Variants in NT5C1B observed in about 807,000 individuals in gnomAD.
The protein encoded by NT5C1B is cytosolic 5'-nucleotidase 1B.
A neutral mutation model predicts 57.8 loss-of-function variants in NT5C1B; 44 were observed. The ratio of observed to expected loss-of-function variants is 0.76; its 90% CI spans 0.60 to 0.98. The LOEUF (loss-of-function observed/expected upper bound fraction) is 0.98. Ranked by LOEUF, NT5C1B falls within the 50% of genes least tolerant of loss-of-function variation. NT5C1B has a pLI of 0.00. For synonymous variants in NT5C1B, 284 were observed against 282.6 expected (o/e 1.00, Z -0.05); for missense variants, 742 against 719.5 (o/e 1.03, Z -0.36).
In NT5C1B at chr2:18,563,568, C is replaced by G. The variant is rs1664365511; in HGVS notation, c.*228G>C. The G allele has an allele frequency of 7.6e-6, 3 of 393,582 alleles. No homozygotes were observed. The East Asian group carries it at 1.1e-4, about 15-fold the overall frequency. The allele number at this position is 393,582 out of a possible 1,614,324, so 24.4% of individuals were successfully genotyped here. ...TAAAGAGTCATCATTATGACTTACA[C>G]AGAGATAGGTGTAATGGCATTCAAC... On this transcript the variant is annotated 3_prime_UTR_variant, in exon 9 of 9. Transcript: ENST00000304081.
chr2:18,587,171 C>T (rs1666792522), intron 2 of NT5C1B: 2 of 1,612,078 alleles, frequency 1.2e-6, no homozygotes, highest in Admixed American at 1.7e-5. Flanking sequence ...CTGCACGCCT[C>T]ATCTGAAAGA....
At chr2:18,574,098 A>G (rs1232578678) in intron 8 of NT5C1B, among the ~76,000 whole-genome samples, 2 of 152,172 alleles carry the variant, frequency 1.3e-5, no homozygotes, top group Non-Finnish European at 2.9e-5. Context: ...CAAAATATGC[A>G]AGGAATTCTT....
At chr2:18,586,896 G>A (rs778715845) in intron 2 of NT5C1B, 1 of 1,571,964 alleles carries the variant, frequency 6.4e-7, no homozygotes, top group South Asian at 1.2e-5. Flanking sequence ...GGACCCCCCG[G>A]AACAGCAAAG....
At chr2:18,564,232 C>T in intron 8 of NT5C1B, 113 bp from the exon 9 acceptor site, 1 of 1,241,302 alleles carries the variant, frequency 8.1e-7, no homozygotes, top group Non-Finnish European at 1.0e-6. Flanking sequence ...TACAGCATGA[C>T]ATGCAGTGTT....
At chr2:18,582,025 G>C (rs1040017661) in intron 6 of NT5C1B, among the ~76,000 whole-genome samples, 1 of 152,068 alleles carries the variant, frequency 6.6e-6, no homozygotes, top group Non-Finnish European at 1.5e-5. Flanking sequence ...ATCAATTAAG[G>C]CTATGTGTTG....
At chr2:18,571,633 T>A (rs1006644386) in intron 8 of NT5C1B, among the ~76,000 whole-genome samples, 1 of 149,426 alleles carries the variant, frequency 6.7e-6, no homozygotes, top group Admixed American at 6.7e-5. Flanking sequence ...GTAAAAATTT[T>A]TCCCCCAGAA....
At chr2:18,571,708 C>G (rs190692448) in intron 8 of NT5C1B, among the ~76,000 whole-genome samples, 2,194 of 93,968 alleles carry the variant, frequency 0.023, 60 homozygotes, top group African/African-American at 0.099. Flanking sequence ...CTCTTTCTCT[C>G]TGTGTGTGTG....
chr2:18,587,253 C>G, intron 2 of NT5C1B: 1 of 1,518,284 alleles, frequency 6.6e-7, no homozygotes, highest in Non-Finnish European at 8.8e-7. Flanking sequence ...CCAGTCTCCC[C>G]CCTGTGTAGG....
exon 8 of NT5C1B, chr2:18,576,292 A>T (rs896441781): frequency 1.9e-6 from 3 of 1,613,856 alleles, no homozygotes; most frequent in Non-Finnish European, 1.7e-6. Context: ...CAGCATCCCC[A>T]TCAAAGGCTA....
intron 7 of NT5C1B, 118 bp from the exon 8 acceptor site, chr2:18,576,486 G>A: frequency 7.3e-7 from 1 of 1,364,126 alleles, no homozygotes; most frequent in Non-Finnish European, 9.8e-7. Flanking sequence ...TTACCTGATG[G>A]CTCAACTCCT....
At chr2:18,581,436 G>GT (rs905799207) in intron 6 of NT5C1B, among the ~76,000 whole-genome samples, 335 of 148,346 alleles carry the variant, frequency 2.3e-3, no homozygotes, top group Middle Eastern at 0.014. Flanking sequence ...ATATTCAGAG[G>GT]TTTTTTTTTT....
chr2:18,584,647 G>GT lies in NT5C1B; in HGVS notation c.589dup (p.Thr197AsnfsTer87), dbSNP rs1666514485. 9 of 1,613,292 alleles carry GT rather than the reference G, an allele frequency of 5.6e-6. No individual in the cohort carries two copies. The highest frequency in any genetic ancestry group is 7.6e-6 in the Non-Finnish European group (9 of 1,179,726). ...GGACAGAGAGTTGCGGTCCAGCTGG[G>GT]TGGAGGCGGGGTAGATCCCCCTGCG... On this transcript the variant is annotated frameshift_variant, in exon 4 of 9. Coordinates refer to ENST00000304081, the Ensembl canonical transcript of NT5C1B. LOFTEE classifies it high-confidence loss of function. This position sits in a 1 kb window ranked among gnomAD's most constrained non-coding sequence, Gnocchi z 5.8.
chr2:18,564,231 A>ACATG, intron 8 of NT5C1B, 112 bp from the exon 9 acceptor site: 6 of 1,213,792 alleles, frequency 4.9e-6, no homozygotes, highest in Non-Finnish European at 6.5e-6. Flanking sequence ...ATACAGCATG[A>ACATG]CATGCAGTGT....
rs182904813 is a variant in NT5C1B at position 18,574,885 on chromosome 2, T to C, written c.1329+1299A>G. ...CTGGATGTGTTTATTACCTTATTTG[T>C]AGTGACAGTATCATGAGTGTATGTA... On this transcript the variant is annotated intron_variant, in intron 8 of 8. Coordinates refer to ENST00000304081, the Ensembl canonical transcript of NT5C1B. Among the ~76,000 whole-genome samples the C allele has an allele frequency of 4.5e-4, 69 of 152,192 alleles. 1 individual carries two copies. The highest frequency in any genetic ancestry group is 4.1e-3 in the Admixed American group (63 of 15,282).
At chr2:18,564,954 C>A (rs1003411382) in intron 8 of NT5C1B, among the ~76,000 whole-genome samples, 1 of 152,066 alleles carries the variant, frequency 6.6e-6, no homozygotes, top group African/African-American at 2.4e-5. Flanking sequence ...AAAAGAATCC[C>A]AGATCTATTA....
intron 8 of NT5C1B, among the ~76,000 whole-genome samples, chr2:18,571,836 T>G: frequency 6.8e-6 from 1 of 147,810 alleles, no homozygotes; most frequent in Admixed American, 6.8e-5. Flanking sequence ...GTGCAGTGGC[T>G]CATGCCTGTA....
rs1221993870 is a variant in NT5C1B, at chr2:18,584,508, G to C, written c.723+6C>G. 2 of 1,606,406 alleles carry C rather than the reference G, an allele frequency of 1.2e-6. No homozygotes were observed. Among genetic ancestry groups the C allele is most frequent in the South Asian group, 1.1e-5 (1 of 90,180 alleles). ...CCCGGCTGCCAGGGGCGGCGGGCTG[G>C]CTCACCGGCCAGGGGCGCGAGCAGC... On this transcript the variant is annotated splice_donor_region_variant and intron_variant, in intron 4 of 8. Coordinates refer to ENST00000304081, the Ensembl canonical transcript of NT5C1B. This position sits in a 1 kb window ranked among gnomAD's most constrained non-coding sequence, Gnocchi z 5.8.
chr2:18,580,452 A>T (rs1345217062), intron 6 of NT5C1B, among the ~76,000 whole-genome samples: 1 of 152,060 alleles, frequency 6.6e-6, no homozygotes, highest in Non-Finnish European at 1.5e-5. Context: ...TGTCTCTACT[A>T]AAAAAATACA....
intron 2 of NT5C1B, 24 bp from the exon 3 acceptor site, chr2:18,586,415 A>C: frequency 6.2e-7 from 1 of 1,612,852 alleles, no homozygotes; most frequent in Non-Finnish European, 8.5e-7. Flanking sequence ...AAGAAACCCA[A>C]CGGTGTAAAA....
Sources: allele counts gnomAD v4.1 joint callset (sites outside exome capture counted in the v4.1 genomes callset), GRCh38; gene constraint gnomAD v4.1.1; non-coding constraint Gnocchi (gnomAD v3.1); transcripts MANE v1.5; gene names NCBI Gene and HGNC (gene_info 2026-07-23, HGNC 2026-07-21).